The following KCNQ1 variants were observed in gnomAD, a reference collection of about 807,000 sequenced individuals.
KCNQ1 encodes potassium voltage-gated channel subfamily KQT member 1.
A neutral mutation model predicts 72.4 loss-of-function variants in KCNQ1; 49 were observed. The observed-to-expected ratio is 0.68, with a 90% CI of 0.54 to 0.86. The LOEUF (loss-of-function observed/expected upper bound fraction) is 0.86. Ranked by LOEUF, KCNQ1 falls within the 40% of genes least tolerant of loss-of-function variation. KCNQ1 has a pLI of 0.00. For synonymous variants in KCNQ1, 450 were observed against 412.6 expected, an observed-to-expected ratio of 1.09 and a Z score of -1.10; for missense variants, 790 against 945.1, an observed-to-expected ratio of 0.84 and a Z score of 2.15.
At chr11:2,648,975 CTTTTTCTTTTTTTTT>C in intron 10 of KCNQ1, 1 of 336,236 alleles carries the variant, frequency 3.0e-6, no homozygotes, top group Admixed American at 6.4e-5. Context: ...TCTCTTTTTT[CTTTTTCTTTTTTTTT>C]TTTTTTTTTT....
rs1008202511 is a variant in KCNQ1, at chr11:2,458,692, G to A, written c.386+13208G>A. 1.4e-5 allele frequency among the ~76,000 whole-genome samples: 2 copies of A among 147,430 alleles called. No individual in the cohort carries two copies. Among genetic ancestry groups the A allele is most frequent in the Admixed American group, 6.9e-5 (1 of 14,572 alleles). ...GGATGGATGGATGGATGGATCGATC[G>A]ATCTCACCAAGCCTCGTGCTCTAAG... On this transcript the variant is annotated intron_variant, in intron 1 of 15. Transcript: ENST00000155840. The surrounding 1 kb of genome is among the most constrained non-coding windows in gnomAD (Gnocchi z 4.6).
rs1232914198 is a variant in KCNQ1 at position 2,724,176 on chromosome 11, CAGAA to C, written c.1515-44662_1515-44659del. Among the ~76,000 whole-genome samples, 2 of 152,148 alleles carry C rather than the reference CAGAA, an allele frequency of 1.3e-5. No homozygotes were observed. The highest frequency in any genetic ancestry group is 2.9e-5 in the Non-Finnish European group (2 of 68,030). On this transcript the variant is annotated intron_variant, in intron 11 of 15. Coordinates refer to ENST00000155840, the MANE Select transcript of KCNQ1 (RefSeq NM_000218.3). This position sits in a 1 kb window ranked among gnomAD's most constrained non-coding sequence, Gnocchi z 6.8. Reference sequence around the variant, plus strand: ...CGACAAGGAGACCAGGAAGGAAAGACAGAAAGAAAAACACGCACAGATCCAGGCT... The same window carrying C: ...CGACAAGGAGACCAGGAAGGAAAGACAGAAAAACACGCACAGATCCAGGCT...
At chr11:2,582,860 T>TG (rs1848522720) in intron 6 of KCNQ1, among the ~76,000 whole-genome samples, 1 of 151,318 alleles carries the variant, frequency 6.6e-6, no homozygotes, top group Admixed American at 6.6e-5. Context: ...GGGGAAAGGG[T>TG]GGGGGGAGCC....
Position 2,547,862 on chromosome 11 carries a change from TCA to T in KCNQ1, c.477+19845_477+19846del, listed in dbSNP as rs1022548280. Among the ~76,000 whole-genome samples the T allele has an allele frequency of 1.3e-5, 2 of 151,972 alleles. No individual in the cohort carries two copies. The highest frequency in any genetic ancestry group is 4.8e-5 in the African/African-American group (2 of 41,364). On this transcript the variant is annotated intron_variant, in intron 2 of 15. Coordinates refer to ENST00000155840, the MANE Select transcript of KCNQ1 (RefSeq NM_000218.3). The surrounding 1 kb of genome is among the most constrained non-coding windows in gnomAD (Gnocchi z 4.2). ...AGGTCCAGATGTTGGGGTTTCAGGG[TCA>T]AGCATTCCTGGCAGAGAGCATGGCA...
In KCNQ1 at chr11:2,645,669, C is replaced by T. The variant is rs997616919; in HGVS notation, c.1394-16292C>T. On this transcript the variant is annotated intron_variant, in intron 10 of 15. Coordinates refer to ENST00000155840, the MANE Select transcript of KCNQ1 (RefSeq NM_000218.3). This position sits in a 1 kb window ranked among gnomAD's most constrained non-coding sequence, Gnocchi z 5.8. ...TGCTTCGGAGGTAGCAGAGTATTGC[C>T]AATGGCTCATGCTTTGGCCTGGAGG... The T allele has an allele frequency of 2.0e-5, 8 of 398,594 alleles. No individual in the cohort carries two copies. Among genetic ancestry groups the T allele is most frequent in the African/African-American group, 1.6e-4 (8 of 48,616 alleles). The allele number at this position is 398,594 out of a possible 1,614,324, so 24.7% of individuals were successfully genotyped here. A position where few individuals can be genotyped will look rare whatever the true frequency, so the allele number is the denominator to read the frequency against.
chr11:2,680,206 TAAAA>T (rs139249507), intron 11 of KCNQ1: 1,056 of 358,298 alleles, frequency 2.9e-3, no homozygotes, highest in East Asian at 0.011. Flanking sequence ...CTTGCCTAAT[TAAAA>T]AAAAAAAAAA....
In KCNQ1 at chr11:2,601,725, C is replaced by A. The variant is rs180761955; in HGVS notation, c.1393+12871C>A. Among the ~76,000 whole-genome samples the A allele has an allele frequency of 6.6e-6, 1 of 152,176 alleles. No individual in the cohort carries two copies. Among genetic ancestry groups the A allele is most frequent in the Admixed American group, 6.5e-5 (1 of 15,274 alleles). ...TCGGCATCATTCTCTGGATTCATTC[C>A]GGTTGTTTTGTATCGCGACAGTTCA... is the stretch of plus-strand genomic sequence containing the variant. On this transcript the variant is annotated intron_variant, in intron 10 of 15. Transcript: ENST00000155840. This position sits in a 1 kb window ranked among gnomAD's most constrained non-coding sequence, Gnocchi z 5.2.
intron 1 of KCNQ1, among the ~76,000 whole-genome samples, chr11:2,496,261 C>G (rs1846914152): frequency 1.3e-5 from 2 of 151,634 alleles, no homozygotes; most frequent in African/African-American, 4.9e-5. Flanking sequence ...ACGATGAAAC[C>G]CCATCTCTAC....
intron 15 of KCNQ1, among the ~76,000 whole-genome samples, chr11:2,846,923 A>G (rs1848341240): frequency 6.6e-6 from 1 of 152,240 alleles, no homozygotes; most frequent in Non-Finnish European, 1.5e-5. Context: ...ACCCTGGCAC[A>G]TAGCTCACTG....
At chr11:2,610,559 T>G in intron 10 of KCNQ1, 1 of 398,436 alleles carries the variant, frequency 2.5e-6, no homozygotes, top group Non-Finnish European at 4.4e-6. Context: ...ATATGTGAAC[T>G]TCCTGGGAGC....
At chr11:2,573,030 CT>C in intron 6 of KCNQ1, 44 bp downstream of exon 6, 1 of 1,600,738 alleles carries the variant, frequency 6.2e-7, no homozygotes, top group Non-Finnish European at 8.5e-7. Flanking sequence ...GCAGCTCAGG[CT>C]GAGGAGTGGG....
rs1370701601 is a variant in KCNQ1, at chr11:2,671,111, T to TA, written c.1514+9031dup. The TA allele has an allele frequency of 5.4e-6, 2 of 371,618 alleles. No individual in the cohort carries two copies. The highest frequency in any genetic ancestry group is 9.2e-6 in the Non-Finnish European group (2 of 216,786). 23.0% of individuals were successfully genotyped at this position (371,618 alleles called of 1,614,324 possible). On this transcript the variant is annotated intron_variant, in intron 11 of 15. Transcript: ENST00000155840. This position sits in a 1 kb window ranked among gnomAD's most constrained non-coding sequence, Gnocchi z 4.7. ...AAGTCTGGCAGTTAGTCTGAGCAGT[T>TA]AGTCTGTCAGGCCTGGTTGGTCCCA...
Position 2,658,104 on chromosome 11 carries a change from G to A in KCNQ1, c.1394-3857G>A, listed in dbSNP as rs1849884270. 7.5e-6 allele frequency: 3 copies of A among 398,458 alleles called. No homozygotes were observed. The highest frequency in any genetic ancestry group is 4.4e-5 in the Admixed American group (1 of 22,714). 24.7% of individuals were successfully genotyped at this position (398,458 alleles called of 1,614,324 possible). A position where few individuals can be genotyped will look rare whatever the true frequency, so the allele number is the denominator to read the frequency against. On this transcript the variant is annotated intron_variant, in intron 10 of 15. Coordinates refer to ENST00000155840, the MANE Select transcript of KCNQ1 (RefSeq NM_000218.3). This position sits in a 1 kb window ranked among gnomAD's most constrained non-coding sequence, Gnocchi z 4.9. ...GGGTTCAACTCTACCTCCTGCAGGAGAGTATCAAAAAAAATCTGCAAATAT... is the reference window on the plus strand; with the variant it reads ...GGGTTCAACTCTACCTCCTGCAGGAAAGTATCAAAAAAAATCTGCAAATAT...
At position 2,654,592 on chromosome 11, in the gene KCNQ1, G is replaced by T. The variant is rs929640732; in HGVS notation, c.1394-7369G>T. 5 of 398,770 alleles carry T rather than the reference G, an allele frequency of 1.3e-5. No individual in the cohort carries two copies. Among genetic ancestry groups the T allele is most frequent in the Middle Eastern group, 6.3e-4 (1 of 1,588 alleles). 24.7% of individuals were successfully genotyped at this position (398,770 alleles called of 1,614,324 possible). A position where few individuals can be genotyped will look rare whatever the true frequency, so the allele number is the denominator to read the frequency against. ...ATCAATCAGGAGGGGAAGGGCAGGGGGTGAGTGGTTGGGTGAAGTTACTAG... is the reference window on the plus strand; with the variant it reads ...ATCAATCAGGAGGGGAAGGGCAGGGTGTGAGTGGTTGGGTGAAGTTACTAG... On this transcript the variant is annotated intron_variant, in intron 10 of 15. Coordinates refer to ENST00000155840, the MANE Select transcript of KCNQ1 (RefSeq NM_000218.3). This position sits in a 1 kb window ranked among gnomAD's most constrained non-coding sequence, Gnocchi z 6.4.
chr11:2,604,063 C>G (rs953893136), intron 10 of KCNQ1, among the ~76,000 whole-genome samples: 1 of 152,094 alleles, frequency 6.6e-6, no homozygotes, highest in Admixed American at 6.5e-5. Context: ...TTTTGTTTAT[C>G]CATTTATTTG....
Position 2,647,678 on chromosome 11 carries a change from T to C in KCNQ1, c.1394-14283T>C, listed in dbSNP as rs939774647. On this transcript the variant is annotated intron_variant, in intron 10 of 15. Transcript: ENST00000155840. This position sits in a 1 kb window ranked among gnomAD's most constrained non-coding sequence, Gnocchi z 4.0. ...ATTACTGATACAATCTCATTCCTTG[T>C]TATTGCTCTGTTCAGATTTTTTTTC... 5.0e-6 allele frequency: 2 copies of C among 398,454 alleles called. No individual in the cohort carries two copies. The highest frequency in any genetic ancestry group is 8.8e-6 in the Non-Finnish European group (2 of 226,056). 24.7% of individuals were successfully genotyped at this position (398,454 alleles called of 1,614,324 possible).
chr11:2,635,013 A>G (rs571583401), intron 10 of KCNQ1: 1 of 152,300 alleles, frequency 6.6e-6, no homozygotes, highest in Admixed American at 6.5e-5. Context: ...ACCTTTGCCC[A>G]CTTTTTGATA....
intron 2 of KCNQ1, among the ~76,000 whole-genome samples, chr11:2,569,636 C>G (rs1256139395): frequency 1.3e-5 from 2 of 152,210 alleles, no homozygotes; most frequent in Admixed American, 6.5e-5. Flanking sequence ...GTTTCATCTT[C>G]CAGCCCCACA....
At position 2,463,787 on chromosome 11, in the gene KCNQ1, G is replaced by A. The variant is rs1846312324; in HGVS notation, c.386+18303G>A. Among the ~76,000 whole-genome samples the A allele has an allele frequency of 6.6e-6, 1 of 152,250 alleles. No homozygotes were observed. Among genetic ancestry groups the A allele is most frequent in the African/African-American group, 2.4e-5 (1 of 41,462 alleles). On this transcript the variant is annotated intron_variant, in intron 1 of 15. Coordinates refer to ENST00000155840, the MANE Select transcript of KCNQ1 (RefSeq NM_000218.3). This position sits in a 1 kb window ranked among gnomAD's most constrained non-coding sequence, Gnocchi z 7.0. ...TCCTCACAAGACATTGCCCTGCGAGGGGGTCAGCCCTGAAGCCGGATGGCC... is the reference window on the plus strand; with the variant it reads ...TCCTCACAAGACATTGCCCTGCGAGAGGGTCAGCCCTGAAGCCGGATGGCC...
Sources: allele counts gnomAD v4.1 joint callset (sites outside exome capture counted in the v4.1 genomes callset), GRCh38; gene constraint gnomAD v4.1.1; non-coding constraint Gnocchi (gnomAD v3.1); transcripts MANE v1.5; gene names NCBI Gene and HGNC (gene_info 2026-07-23, HGNC 2026-07-21).